The following ROBO2 variants were observed in gnomAD, a reference collection of about 807,000 sequenced individuals.
ROBO2 encodes the protein roundabout guidance receptor 2, also known as roundabout homolog 2.
In ROBO2, 53 loss-of-function variants were observed where a neutral mutation model predicts 160.8. The observed-to-expected ratio is 0.33, with a 90% CI of 0.26 to 0.41. The LOEUF (loss-of-function observed/expected upper bound fraction) is 0.41, where lower values mean the gene tolerates loss of function less well. Ranked by LOEUF, ROBO2 falls within the 10% of genes least tolerant of loss-of-function variation. The probability of loss-of-function intolerance (pLI) is 1.00; values close to 1 mark genes in which losing one functional copy is unlikely to be tolerated. For synonymous variants in ROBO2, 664 were observed against 611.7 expected, an observed-to-expected ratio of 1.09 and a Z score of -1.26; for missense variants, 1,577 against 1,722.4, an observed-to-expected ratio of 0.92 and a Z score of 1.49.
Position 76,802,727 on chromosome 3 carries a change from C to CAAA in ROBO2, c.110-295272_110-295270dup, listed in dbSNP as rs71104621. On this transcript the variant is annotated intron_variant, in intron 2 of 26. Coordinates refer to the ROBO2 transcript ENST00000487694. ...TGGGCGACAGAGCGAGACTCCGTCT[C>CAAA]AAAAAAAAAAAAAAAAAGATACCAC... 1.1e-3 allele frequency among the ~76,000 whole-genome samples: 118 copies of CAAA among 103,824 alleles called. 1 individual carries two copies. Among genetic ancestry groups the CAAA allele is most frequent in the East Asian group, 4.0e-3 (12 of 2,998 alleles). 68.1% of individuals were successfully genotyped at this position (103,824 alleles called of 152,430 possible).
chr3:77,308,588 A>G (rs1033794288), intron 2 of ROBO2, among the ~76,000 whole-genome samples: 1 of 152,166 alleles, frequency 6.6e-6, no homozygotes, highest in Non-Finnish European at 1.5e-5. Context: ...AAATTTAAAT[A>G]GTACCAGTTC....
intron 2 of ROBO2, among the ~76,000 whole-genome samples, chr3:77,186,554 CG>C (rs148261990): frequency 0.013 from 2,008 of 151,990 alleles, 67 homozygotes; most frequent in African/African-American, 0.046. Flanking sequence ...AGAGATTATA[CG>C]GAGCACAGAG....
At chr3:77,374,169 CAAAAAAAAAAAAAAAAA>C (rs60357417) in intron 2 of ROBO2, among the ~76,000 whole-genome samples, 28 of 40,108 alleles carry the variant, frequency 7.0e-4, no homozygotes, top group African/African-American at 2.5e-3. Flanking sequence ...GAGACTCCAT[CAAAAAAAAAAAAAAAAA>C]AAAAAAAAAA....
chr3:76,995,392 A>G (rs1190890027), intron 2 of ROBO2, among the ~76,000 whole-genome samples: 1 of 152,122 alleles, frequency 6.6e-6, no homozygotes, highest in African/African-American at 2.4e-5. Context: ...GCTATTGTGA[A>G]TAGTGCTGCA....
At position 76,277,927 on chromosome 3, in the gene ROBO2, GT is replaced by G. The variant is rs1298505467; in HGVS notation, c.109+340337del. On this transcript the variant is annotated intron_variant, in intron 2 of 26. Transcript: ENST00000487694. ...TTTAGATTGAAAGTTACAGTTTTTT[GT>G]TTTTTTTTTTTAACAGGAAACTCTT... Among the ~76,000 whole-genome samples, 439 of 140,238 alleles carry G rather than the reference GT, an allele frequency of 3.1e-3. 1 individual carries two copies. The highest frequency in any genetic ancestry group is 9.3e-3 in the African/African-American group (360 of 38,682). The allele number at this position is 140,238 out of a possible 152,430, so 92.0% of individuals were successfully genotyped here.
chr3:76,576,524 G>T (rs1002451315), intron 2 of ROBO2, among the ~76,000 whole-genome samples: 5 of 151,950 alleles, frequency 3.3e-5, no homozygotes, highest in Admixed American at 3.3e-4. Flanking sequence ...TATCACTGGT[G>T]TACTATTGGT....
chr3:76,928,087 G>A lies in ROBO2; in HGVS notation c.110-169927G>A, dbSNP rs982185761. ...AATTAAGGTTACAAATAAAATTAAA[G>A]TTAGTTGCTTATCAACTGACTTTAA... On this transcript the variant is annotated intron_variant, in intron 2 of 26. Transcript: ENST00000487694. 2.6e-5 allele frequency among the ~76,000 whole-genome samples: 4 copies of A among 152,132 alleles called. No homozygotes were observed. In the South Asian group the frequency reaches 8.3e-4, roughly 31 times the overall value.
chr3:75,984,897 T>C (rs1053483931), intron 2 of ROBO2, among the ~76,000 whole-genome samples: 1 of 151,452 alleles, frequency 6.6e-6, no homozygotes, highest in African/African-American at 2.4e-5. Context: ...TACTGGTTTA[T>C]TTTACAAGCA....
At chr3:76,281,302 T>C (rs971892821) in intron 2 of ROBO2, among the ~76,000 whole-genome samples, 1 of 151,922 alleles carries the variant, frequency 6.6e-6, no homozygotes, top group Non-Finnish European at 1.5e-5. Context: ...AAAGCAACAA[T>C]GCACATAATG....
At chr3:76,739,350 AATC>A (rs1192214418) in intron 2 of ROBO2, among the ~76,000 whole-genome samples, 2 of 152,244 alleles carry the variant, frequency 1.3e-5, no homozygotes, top group Admixed American at 6.5e-5. Flanking sequence ...TGAAATTGGA[AATC>A]ATCATTCTCA....
intron 2 of ROBO2, among the ~76,000 whole-genome samples, chr3:76,149,777 G>A (rs2072084261): frequency 7.6e-6 from 1 of 131,126 alleles, no homozygotes; most frequent in African/African-American, 2.8e-5. Context: ...TCTGTCTAAA[G>A]CACACATCAT....
intron 2 of ROBO2, among the ~76,000 whole-genome samples, chr3:76,387,573 T>G (rs1377835549): frequency 6.6e-6 from 1 of 152,176 alleles, no homozygotes; most frequent in East Asian, 1.9e-4. Flanking sequence ...GTGCCAGATA[T>G]GGCACTAATT....
chr3:77,614,649 C>T (rs1245087883), intron 21 of ROBO2, among the ~76,000 whole-genome samples: 1 of 152,120 alleles, frequency 6.6e-6, no homozygotes, highest in Non-Finnish European at 1.5e-5. Context: ...AAGGAAGAAT[C>T]TTTGGAATTC....
chr3:77,166,858 C>T (rs966733893), intron 2 of ROBO2, among the ~76,000 whole-genome samples: 2 of 152,166 alleles, frequency 1.3e-5, no homozygotes, highest in African/African-American at 2.4e-5. Flanking sequence ...CGCGCCCGGC[C>T]GACACAGAGG....
At chr3:76,356,582 C>T (rs1000273274) in intron 2 of ROBO2, among the ~76,000 whole-genome samples, 19 of 151,014 alleles carry the variant, frequency 1.3e-4, no homozygotes, top group Non-Finnish European at 2.8e-4. Flanking sequence ...GTCAGGTTAC[C>T]AAAAAAATAT....
chr3:76,650,327 C>T (rs570072533), intron 2 of ROBO2, among the ~76,000 whole-genome samples: 10 of 152,054 alleles, frequency 6.6e-5, no homozygotes, highest in Non-Finnish European at 1.5e-4. Context: ...GAGGAGACAG[C>T]GTGCCTTCGT....
chr3:76,128,548 T>C (rs561338592), intron 2 of ROBO2, among the ~76,000 whole-genome samples: 8 of 151,388 alleles, frequency 5.3e-5, no homozygotes, highest in Non-Finnish European at 8.8e-5. Flanking sequence ...AACTAGTCGC[T>C]GTATCTAAAA....
At chr3:76,894,701 G>T (rs779830182) in intron 2 of ROBO2, among the ~76,000 whole-genome samples, 5 of 152,154 alleles carry the variant, frequency 3.3e-5, no homozygotes, top group Non-Finnish European at 7.4e-5. Context: ...AGTTTTTCTG[G>T]CCAATTTTAA....
chr3:77,088,802 T>G (rs969453629), intron 1 of ROBO2, among the ~76,000 whole-genome samples: 4 of 152,176 alleles, frequency 2.6e-5, no homozygotes, highest in Non-Finnish European at 5.9e-5. Context: ...ATACAAGACC[T>G]ACAAAGGCCA....
Sources: allele counts gnomAD v4.1 joint callset (sites outside exome capture counted in the v4.1 genomes callset), GRCh38; gene constraint gnomAD v4.1.1; transcripts MANE v1.5; gene names NCBI Gene and HGNC (gene_info 2026-07-23, HGNC 2026-07-21).